PPP4R1: variants seen among roughly 807,000 people sequenced by gnomAD.
PPP4R1 encodes the protein serine/threonine-protein phosphatase 4 regulatory subunit 1.
PPP4R1 carries 42 observed loss-of-function variants against 111.2 expected under a neutral mutation model. That is an observed-to-expected ratio of 0.38 (90% CI 0.29 to 0.49). The LOEUF (loss-of-function observed/expected upper bound fraction) is 0.49, where lower values mean the gene tolerates loss of function less well. Among genes scored for constraint, PPP4R1 ranks in the 20% least tolerant of loss-of-function variants. PPP4R1 has a pLI of 0.97. For missense variants in PPP4R1, 1,012 were observed against 1,161.6 expected (o/e 0.87, Z 1.87); for synonymous variants, 409 against 405.5 (o/e 1.01, Z -0.10).
chr18:9,597,064 T>C (rs564082634), intron 2 of PPP4R1, among the ~76,000 whole-genome samples: 1 of 151,576 alleles, frequency 6.6e-6, no homozygotes, highest in Admixed American at 6.6e-5. Flanking sequence ...GCACGGGAGG[T>C]CGAGGGTGTA....
intron 2 of PPP4R1, among the ~76,000 whole-genome samples, chr18:9,609,797 T>C (rs1362612335): frequency 1.3e-5 from 2 of 152,190 alleles, no homozygotes; most frequent in Non-Finnish European, 2.9e-5. Context: ...CCTGTACAAG[T>C]TTGGGTTGAT....
At chr18:9,555,637 C>CA (rs1180436006) in intron 15 of PPP4R1, among the ~76,000 whole-genome samples, 1 of 151,930 alleles carries the variant, frequency 6.6e-6, no homozygotes, top group Non-Finnish European at 1.5e-5. Context: ...AACATGTCTG[C>CA]AAAAAAACCC....
intron 19 of PPP4R1, among the ~76,000 whole-genome samples, chr18:9,548,383 T>TA (rs1169681879): frequency 6.6e-6 from 1 of 150,618 alleles, no homozygotes; most frequent in African/African-American, 2.4e-5. Flanking sequence ...CAACTATATT[T>TA]ATGAGGTGTT....
intron 14 of PPP4R1, among the ~76,000 whole-genome samples, chr18:9,558,699 G>GCCT (rs10686779): frequency 6.8e-6 from 1 of 148,102 alleles, no homozygotes; most frequent in African/African-American, 2.5e-5. Flanking sequence ...TAATCAGACT[G>GCCT]TTTTTTTTTT....
intron 10 of PPP4R1, among the ~76,000 whole-genome samples, chr18:9,572,179 T>C (rs145653968): frequency 6.6e-6 from 1 of 152,272 alleles, no homozygotes; most frequent in Non-Finnish European, 1.5e-5. Flanking sequence ...GGTGATTATC[T>C]ATGAGAAAGA....
At chr18:9,552,338 C>T (rs1251835373) in intron 16 of PPP4R1, among the ~76,000 whole-genome samples, 1 of 152,144 alleles carries the variant, frequency 6.6e-6, no homozygotes, top group Admixed American at 6.5e-5. Context: ...AATCATACCA[C>T]AATGAAGTGC....
chr18:9,561,006 T>A (rs2066665080), intron 13 of PPP4R1, among the ~76,000 whole-genome samples: 1 of 151,836 alleles, frequency 6.6e-6, no homozygotes, highest in African/African-American at 2.4e-5. Flanking sequence ...TCACTTGAGG[T>A]CAGGAGTTCA....
At chr18:9,612,286 G>A (rs1419570796) in intron 2 of PPP4R1, among the ~76,000 whole-genome samples, 2 of 152,198 alleles carry the variant, frequency 1.3e-5, no homozygotes, top group African/African-American at 4.8e-5. Context: ...GGCATAGGGA[G>A]GTTAAGTGAG....
At chr18:9,610,849 C>G (rs1358118910) in intron 2 of PPP4R1, among the ~76,000 whole-genome samples, 1 of 143,888 alleles carries the variant, frequency 6.9e-6, no homozygotes, top group African/African-American at 2.7e-5. Context: ...AATGAAACTC[C>G]TTCAATGAAA....
chr18:9,558,340 C>T (rs1364956102), intron 14 of PPP4R1, among the ~76,000 whole-genome samples: 1 of 152,040 alleles, frequency 6.6e-6, no homozygotes, highest in African/African-American at 2.4e-5. Context: ...CCAGGTGCCC[C>T]GAAAGATACA....
At chr18:9,556,253 C>T (rs553652435) in intron 15 of PPP4R1, among the ~76,000 whole-genome samples, 1 of 151,396 alleles carries the variant, frequency 6.6e-6, no homozygotes, top group African/African-American at 2.4e-5. Context: ...AGTGCAGTGG[C>T]ATGATCTTGG....
At chr18:9,585,468 C>G (rs980689320) in intron 6 of PPP4R1, among the ~76,000 whole-genome samples, 2 of 152,188 alleles carry the variant, frequency 1.3e-5, no homozygotes, top group Admixed American at 6.5e-5. Context: ...TATTTAGATA[C>G]ATTGTTCCCA....
chr18:9,564,735 TGTGG>T (rs149032285), intron 11 of PPP4R1, among the ~76,000 whole-genome samples: 5,903 of 40,160 alleles, frequency 0.15, 132 homozygotes, highest in Non-Finnish European at 0.18. Context: ...TGTGTGTGTG[TGTGG>T]GGGTATCATC....
chr18:9,602,419 G>A (rs1278490968), intron 2 of PPP4R1, among the ~76,000 whole-genome samples: 3 of 145,304 alleles, frequency 2.1e-5, no homozygotes, highest in Non-Finnish European at 3.0e-5. Flanking sequence ...GGTGGCGGGC[G>A]CCTGTAGTCC....
intron 10 of PPP4R1, among the ~76,000 whole-genome samples, chr18:9,571,789 C>T (rs1270384120): frequency 6.6e-6 from 1 of 152,164 alleles, no homozygotes; most frequent in African/African-American, 2.4e-5. Flanking sequence ...TGATGGATGA[C>T]AAGGATGAAA....
At chr18:9,573,634 G>A (rs545078635) in intron 10 of PPP4R1, among the ~76,000 whole-genome samples, 2 of 152,278 alleles carry the variant, frequency 1.3e-5, no homozygotes, top group African/African-American at 4.8e-5. Flanking sequence ...GTCTCGCTCT[G>A]TAGCCCAGGC....
intron 6 of PPP4R1, among the ~76,000 whole-genome samples, chr18:9,587,754 C>G (rs757389105): frequency 6.6e-6 from 1 of 151,086 alleles, no homozygotes; most frequent in East Asian, 1.9e-4. Context: ...GCTCTGTCGC[C>G]CAGGCTGAAG....
At chr18:9,597,231 G>C (rs993019849) in intron 2 of PPP4R1, among the ~76,000 whole-genome samples, 1 of 152,228 alleles carries the variant, frequency 6.6e-6, no homozygotes, top group African/African-American at 2.4e-5. Flanking sequence ...GAGAAAGAGA[G>C]GACAAATGAA....
Position 9,595,145 on chromosome 18 carries a change from C to A in PPP4R1, c.61G>T (p.Asp21Tyr). 1 of 1,613,634 alleles carries A rather than the reference C, an allele frequency of 6.2e-7. No individual in the cohort carries two copies. Among genetic ancestry groups the A allele is most frequent in the South Asian group, 1.1e-5 (1 of 91,058 alleles). Residue 21 changes from aspartate (D) to tyrosine (Y), a missense_variant, in exon 3 of 20, where the codon GAT becomes TAT. This residue lies in a region of PPP4R1 where 707 missense variants were observed against 742.1 expected (regional missense o/e 0.95). Coordinates refer to ENST00000400556, the MANE Select transcript of PPP4R1 (RefSeq NM_001042388.3). ...LQEDADGFGV[D>Y]DYSSESDVII... Reference sequence around the variant, plus strand: ...ACATCAGACTCTGAGCTGTAGTCATCCACACCAACTATCAGAGACATCAGA... The same window carrying A: ...ACATCAGACTCTGAGCTGTAGTCATACACACCAACTATCAGAGACATCAGA...
Sources: gnomAD v4.1 joint callset for allele counts (sites outside exome capture counted in the v4.1 genomes callset) on GRCh38, gnomAD v4.1.1 for gene constraint, gnomAD v4.1.1 regional missense constraint, MANE v1.5 for transcripts, NCBI Gene and HGNC (gene_info 2026-07-23, HGNC 2026-07-21) for gene names.